Variants in DPY19L2 observed in about 807,000 individuals in gnomAD.
The protein encoded by DPY19L2 is dpy-19 like 2.
Under a neutral mutation model 97.9 loss-of-function variants are expected in DPY19L2, and 34 were observed. The observed-to-expected ratio is 0.35, with a 90% confidence interval of 0.26 to 0.46. The LOEUF is 0.46. Among genes scored for constraint, DPY19L2 ranks in the 20% least tolerant of loss-of-function variants. The pLI, the probability that DPY19L2 is intolerant of heterozygous loss-of-function variation, is 1.00. For synonymous variants in DPY19L2, 230 were observed against 307.9 expected (o/e 0.75, Z 2.65); for missense variants, 623 against 911.4 (o/e 0.68, Z 4.07).
chr12:63,610,873 A>AAAAAAAAAAAAAAAAAAAAG (rs1886877877), intron 11 of DPY19L2, among the ~76,000 whole-genome samples: 1 of 106,412 alleles, frequency 9.4e-6, no homozygotes, highest in Non-Finnish European at 2.0e-5. Flanking sequence ...AAAAAAAAAA[A>AAAAAAAAAAAAAAAAAAAAG]AACCACACAC....
chr12:63,641,707 G>C (rs916046838), intron 6 of DPY19L2, among the ~76,000 whole-genome samples: 3 of 151,910 alleles, frequency 2.0e-5, no homozygotes, highest in Non-Finnish European at 4.4e-5. Context: ...TCATTTCTCT[G>C]TTAATGGATA....
At chr12:63,602,087 A>G (rs1885278416) in intron 12 of DPY19L2, among the ~76,000 whole-genome samples, 1 of 152,250 alleles carries the variant, frequency 6.6e-6, no homozygotes, top group East Asian at 1.9e-4. Flanking sequence ...CTCACAAAAC[A>G]GAAGAATATT....
At chr12:63,589,131 C>T (rs10878059) in intron 16 of DPY19L2, among the ~76,000 whole-genome samples, 1 of 151,846 alleles carries the variant, frequency 6.6e-6, no homozygotes, top group Non-Finnish European at 1.5e-5. Flanking sequence ...TAAAGGCATT[C>T]TTCACTTTAG....
Position 63,668,466 on chromosome 12 carries a change from C to T in DPY19L2, c.-73G>A, listed in dbSNP as rs958070961. 1 of 1,404,970 alleles carries T rather than the reference C, an allele frequency of 7.1e-7. No individual in the cohort carries two copies. Among genetic ancestry groups the T allele is most frequent in the Non-Finnish European group, 9.4e-7 (1 of 1,061,684 alleles). The allele number at this position is 1,404,970 out of a possible 1,614,324, so 87.0% of individuals were successfully genotyped here. ...CGAGTCAGGCGAGGTCCAGAGAGAC[C>T]TGACTCGCCTGGCAGCCTCAACGGA... On this transcript the variant is annotated 5_prime_UTR_variant, in exon 1 of 22. Transcript: ENST00000324472.
intron 1 of DPY19L2, among the ~76,000 whole-genome samples, chr12:63,667,178 T>C (rs959306254): frequency 2.0e-5 from 3 of 152,170 alleles, no homozygotes; most frequent in Non-Finnish European, 4.4e-5. Context: ...AAGATGCTCA[T>C]TAACTGTTTA....
intron 4 of DPY19L2, among the ~76,000 whole-genome samples, chr12:63,660,026 CA>C: frequency 6.6e-6 from 1 of 152,184 alleles, no homozygotes; most frequent in African/African-American, 2.4e-5. Context: ...GAGTAAAAAT[CA>C]CAGGGTCTGA....
chr12:63,576,631 T>G (rs1436404082), intron 19 of DPY19L2, among the ~76,000 whole-genome samples: 1 of 151,680 alleles, frequency 6.6e-6, no homozygotes, highest in Non-Finnish European at 1.5e-5. Context: ...ATCATTAACG[T>G]TTCTATATGC....
chr12:63,583,737 G>A (rs1881330111), intron 17 of DPY19L2, 75 bp downstream of exon 17: 2 of 1,494,608 alleles, frequency 1.3e-6, no homozygotes, highest in Non-Finnish European at 1.9e-6. Flanking sequence ...CAGCAGCAAG[G>A]TTATACCTTT....
chr12:63,648,862 T>C (rs563507907), intron 4 of DPY19L2, among the ~76,000 whole-genome samples: 12 of 152,168 alleles, frequency 7.9e-5, no homozygotes, highest in African/African-American at 2.9e-4. Flanking sequence ...AATAAATGGA[T>C]TCCAATACAG....
At chr12:63,664,988 G>C (rs1896153752) in intron 2 of DPY19L2, among the ~76,000 whole-genome samples, 2 of 152,022 alleles carry the variant, frequency 1.3e-5, no homozygotes, top group East Asian at 3.8e-4. Flanking sequence ...CTGAGCACAG[G>C]TAAAAATAAA....
At chr12:63,613,927 A>T (rs1887424342) in intron 11 of DPY19L2, among the ~76,000 whole-genome samples, 1 of 152,052 alleles carries the variant, frequency 6.6e-6, no homozygotes, top group Admixed American at 6.6e-5. Context: ...GTGGTGGCTG[A>T]CACCTGTAAT....
chr12:63,656,392 C>T (rs1362092042), intron 4 of DPY19L2, among the ~76,000 whole-genome samples: 1 of 152,156 alleles, frequency 6.6e-6, no homozygotes, highest in Admixed American at 6.5e-5. Context: ...GGTCAGAAAA[C>T]TTCTCCTATA....
intron 17 of DPY19L2, 74 bp downstream of exon 17, chr12:63,583,738 T>A: frequency 1.3e-6 from 2 of 1,501,016 alleles, no homozygotes; most frequent in Admixed American, 1.7e-5. Context: ...AGCAGCAAGG[T>A]TATACCTTTG....
At chr12:63,632,993 C>G (rs9738792) in intron 6 of DPY19L2, among the ~76,000 whole-genome samples, 64,320 of 151,686 alleles carry the variant, frequency 0.42, 13,390 homozygotes, top group South Asian at 0.48. Flanking sequence ...AAATGATGCT[C>G]GGAAAACTGG....
intron 16 of DPY19L2, among the ~76,000 whole-genome samples, chr12:63,588,524 G>A (rs1882211474): frequency 6.6e-6 from 1 of 151,982 alleles, no homozygotes; most frequent in East Asian, 1.9e-4. Flanking sequence ...TAGATCACAT[G>A]TTAAGCATTC....
chr12:63,642,636 G>A (rs1892860048), intron 6 of DPY19L2, among the ~76,000 whole-genome samples: 1 of 151,608 alleles, frequency 6.6e-6, no homozygotes, highest in Non-Finnish European at 1.5e-5. Context: ...TCTGCTTCTG[G>A]GCTCTACTCT....
chr12:63,636,499 A>T (rs117843956), intron 6 of DPY19L2, among the ~76,000 whole-genome samples: 3,869 of 152,276 alleles, frequency 0.025, 80 homozygotes, highest in Middle Eastern at 0.044. Flanking sequence ...GATCAAGATC[A>T]AGACCCATCA....
At chr12:63,601,714 C>G (rs533841564) in intron 12 of DPY19L2, among the ~76,000 whole-genome samples, 1 of 152,096 alleles carries the variant, frequency 6.6e-6, no homozygotes, top group East Asian at 1.9e-4. Context: ...GAGTACAGAG[C>G]AGGGCCTAAG....
chr12:63,636,104 A>AT (rs527345145), intron 6 of DPY19L2, among the ~76,000 whole-genome samples: 1 of 151,768 alleles, frequency 6.6e-6, no homozygotes, highest in Non-Finnish European at 1.5e-5. Context: ...ACAAGCCAGA[A>AT]GGGGGGGCGG....
Sources: allele counts gnomAD v4.1 joint callset (sites outside exome capture counted in the v4.1 genomes callset), GRCh38; gene constraint gnomAD v4.1.1; transcripts MANE v1.5; gene names NCBI Gene and HGNC (gene_info 2026-07-23, HGNC 2026-07-21).